The following CDH13 variants were observed in gnomAD, a reference collection of about 807,000 sequenced individuals.
The protein encoded by CDH13 is cadherin 13.
In CDH13, 24 loss-of-function variants were observed where a neutral mutation model predicts 63.8. The observed-to-expected ratio is 0.38, with a 90% confidence interval of 0.27 to 0.53. The LOEUF (loss-of-function observed/expected upper bound fraction) is 0.53, where lower values mean the gene tolerates loss of function less well. Among genes scored for constraint, CDH13 ranks in the 20% least tolerant of loss-of-function variants. CDH13 has a pLI of 0.85. For missense variants in CDH13, 1,049 were observed against 903.1 expected (o/e 1.16, Z -2.07); for synonymous variants, 503 against 355.3 (o/e 1.42, Z -4.67).
chr16:83,293,116 G>C (rs189535695), intron 5 of CDH13, among the ~76,000 whole-genome samples: 1 of 152,172 alleles, frequency 6.6e-6, no homozygotes, highest in African/African-American at 2.4e-5. Flanking sequence ...ATTTTGAATT[G>C]CTCTTTCTAA....
chr16:83,378,056 G>T (rs2091489321), intron 6 of CDH13, among the ~76,000 whole-genome samples: 1 of 152,108 alleles, frequency 6.6e-6, no homozygotes, highest in South Asian at 2.1e-4. Flanking sequence ...CTTTGGACCC[G>T]CTACCATGCA....
intron 6 of CDH13, among the ~76,000 whole-genome samples, chr16:83,374,862 C>G (rs1405228734): frequency 6.6e-6 from 1 of 152,148 alleles, no homozygotes; most frequent in Non-Finnish European, 1.5e-5. Flanking sequence ...TGCAAGCCAG[C>G]CAGATCCTAT....
At chr16:83,509,268 C>T (rs1471296480) in intron 7 of CDH13, among the ~76,000 whole-genome samples, 6 of 152,176 alleles carry the variant, frequency 3.9e-5, no homozygotes, top group East Asian at 1.9e-4. Context: ...GTGGAACATG[C>T]CATGGCCAGG....
At chr16:82,736,508 C>G (rs550540254) in intron 1 of CDH13, among the ~76,000 whole-genome samples, 21 of 152,154 alleles carry the variant, frequency 1.4e-4, no homozygotes, top group Non-Finnish European at 2.6e-4. Flanking sequence ...AAACAGAGCA[C>G]TGCCACACAC....
chr16:83,348,176 A>G (rs1287751718), intron 6 of CDH13, among the ~76,000 whole-genome samples: 2 of 152,040 alleles, frequency 1.3e-5, no homozygotes, highest in African/African-American at 4.8e-5. Flanking sequence ...GGCGACAGAG[A>G]AAGACTCCAT....
chr16:82,928,312 C>G (rs1379337914), intron 2 of CDH13, among the ~76,000 whole-genome samples: 1 of 152,154 alleles, frequency 6.6e-6, no homozygotes, highest in African/African-American at 2.4e-5. Flanking sequence ...TAGGTTTTCA[C>G]TTCTTATAAG....
At chr16:83,674,340 A>T (rs1432749493) in intron 9 of CDH13, among the ~76,000 whole-genome samples, 1 of 152,198 alleles carries the variant, frequency 6.6e-6, no homozygotes, top group African/African-American at 2.4e-5. Context: ...CCCAGGCATC[A>T]TATCTTCCCA....
chr16:83,008,467 G>A (rs149985966), intron 2 of CDH13, among the ~76,000 whole-genome samples: 3 of 152,326 alleles, frequency 2.0e-5, no homozygotes, highest in East Asian at 3.9e-4. Context: ...GAGACCAGTG[G>A]GGCCGAGTGA....
intron 2 of CDH13, among the ~76,000 whole-genome samples, chr16:83,008,623 C>T (rs1338784862): frequency 6.6e-6 from 1 of 152,138 alleles, no homozygotes; most frequent in Non-Finnish European, 1.5e-5. Context: ...TGGACCTTTG[C>T]TGTGTTGAGA....
At chr16:83,249,433 C>T (rs2151823302) in intron 5 of CDH13, among the ~76,000 whole-genome samples, 1 of 152,330 alleles carries the variant, frequency 6.6e-6, no homozygotes, top group East Asian at 1.9e-4. Context: ...AACTGCCCCA[C>T]CACACCCATT....
intron 2 of CDH13, among the ~76,000 whole-genome samples, chr16:82,947,934 C>T (rs1326510305): frequency 6.6e-6 from 1 of 152,168 alleles, no homozygotes; most frequent in Non-Finnish European, 1.5e-5. Context: ...TGCCTCATCA[C>T]TCTGAATTCA....
At chr16:83,719,658 G>A (rs947723908) in intron 10 of CDH13, among the ~76,000 whole-genome samples, 3 of 152,154 alleles carry the variant, frequency 2.0e-5, no homozygotes, top group Non-Finnish European at 4.4e-5. Flanking sequence ...CCACGGTGAC[G>A]CTAGGAGGTA....
At chr16:82,984,242 A>T (rs1295315254) in intron 2 of CDH13, among the ~76,000 whole-genome samples, 2 of 152,202 alleles carry the variant, frequency 1.3e-5, no homozygotes, top group Non-Finnish European at 2.9e-5. Context: ...TAATTTGAAA[A>T]CCACACTGCT....
intron 3 of CDH13, among the ~76,000 whole-genome samples, chr16:83,085,368 G>T (rs1002981073): frequency 1.3e-5 from 2 of 152,100 alleles, no homozygotes; most frequent in African/African-American, 4.8e-5. Context: ...GGAATTCTGG[G>T]AGATACAGTT....
At chr16:83,085,559 A>C (rs139079466) in intron 3 of CDH13, among the ~76,000 whole-genome samples, 60 of 152,324 alleles carry the variant, frequency 3.9e-4, no homozygotes, top group African/African-American at 1.4e-3. Context: ...CTAGAAGTCT[A>C]CTGTTTGTCT....
At chr16:82,833,949 A>T (rs756381986) in intron 1 of CDH13, among the ~76,000 whole-genome samples, 2 of 152,182 alleles carry the variant, frequency 1.3e-5, no homozygotes, top group Non-Finnish European at 2.9e-5. Context: ...CGAGAAATGT[A>T]TTACTTACCT....
intron 3 of CDH13, among the ~76,000 whole-genome samples, chr16:83,037,877 A>G (rs1425880207): frequency 6.6e-6 from 1 of 152,170 alleles, no homozygotes; most frequent in Admixed American, 6.5e-5. Flanking sequence ...TGTGTCACAG[A>G]GTTGTTCTCC....
chr16:82,700,536 TGTG>T (rs2030856525), intron 1 of CDH13, among the ~76,000 whole-genome samples: 1 of 152,004 alleles, frequency 6.6e-6, no homozygotes, highest in African/African-American at 2.4e-5. Flanking sequence ...TGTGTGTGTG[TGTG>T]TGTGTGTCTG....
At chr16:82,984,250 G>A (rs1279670226) in intron 2 of CDH13, among the ~76,000 whole-genome samples, 1 of 152,180 alleles carries the variant, frequency 6.6e-6, no homozygotes, top group East Asian at 1.9e-4. Flanking sequence ...AAACCACACT[G>A]CTTTGTTGAA....
Sources: gnomAD v4.1 joint callset for allele counts (sites outside exome capture counted in the v4.1 genomes callset) on GRCh38, gnomAD v4.1.1 for gene constraint, MANE v1.5 for transcripts, NCBI Gene and HGNC (gene_info 2026-07-23, HGNC 2026-07-21) for gene names.